KCTD15: variants seen among roughly 807,000 people sequenced by gnomAD.
The protein encoded by KCTD15 is potassium channel tetramerization domain containing 15.
A neutral mutation model predicts 27.2 loss-of-function variants in KCTD15; 11 were observed. The ratio of observed to expected loss-of-function variants is 0.41; its 90% CI spans 0.25 to 0.67. The LOEUF (loss-of-function observed/expected upper bound fraction) is 0.67. Ranked by LOEUF, KCTD15 falls within the 30% of genes least tolerant of loss-of-function variation. KCTD15 has a pLI of 0.35. For missense variants in KCTD15, 350 were observed against 409.3 expected (o/e 0.86, Z 1.25); for synonymous variants, 163 against 176.0 (o/e 0.93, Z 0.58).
intron 4 of KCTD15, among the ~76,000 whole-genome samples, chr19:33,805,943 C>G (rs1368772269): frequency 6.6e-6 from 1 of 152,230 alleles, no homozygotes; most frequent in Non-Finnish European, 1.5e-5. Context: ...TTCTCCTGGT[C>G]TTGCATTTGT....
At chr19:33,800,613 A>C (rs1019206451) in intron 3 of KCTD15, 93 bp downstream of exon 3, 3 of 1,152,088 alleles carry the variant, frequency 2.6e-6, no homozygotes, top group Non-Finnish European at 3.8e-6. Flanking sequence ...CCTTGGGACC[A>C]TGACACTCCA....
At chr19:33,795,713 G>A (rs965005481), upstream of KCTD15, among the ~76,000 whole-genome samples, 1 of 152,152 alleles carries the variant, frequency 6.6e-6, no homozygotes, top group African/African-American at 2.4e-5. Context: ...GAGTGGGAGT[G>A]GGAGAAAAGG....
chr19:33,800,018 G>A (rs1975474982), intron 2 of KCTD15, among the ~76,000 whole-genome samples: 1 of 152,162 alleles, frequency 6.6e-6, no homozygotes, highest in Admixed American at 6.5e-5. Flanking sequence ...TCTGAGCCTT[G>A]GTCCACAAGG....
intron 6 of KCTD15, 27 bp from the exon 7 acceptor site, chr19:33,812,763 T>G: frequency 7.1e-7 from 1 of 1,414,078 alleles, no homozygotes; most frequent in South Asian, 1.6e-5. Flanking sequence ...AGCTTGGCCT[T>G]GATGACCTCT....
At chr19:33,798,998 G>T (rs1189384537) in intron 2 of KCTD15, among the ~76,000 whole-genome samples, 1 of 152,182 alleles carries the variant, frequency 6.6e-6, no homozygotes, top group Non-Finnish European at 1.5e-5. Context: ...CCCCAGCAGA[G>T]CCTCCTAGGG....
At chr19:33,804,002 C>T (rs550421557) in intron 4 of KCTD15, among the ~76,000 whole-genome samples, 3 of 152,136 alleles carry the variant, frequency 2.0e-5, no homozygotes, top group African/African-American at 7.2e-5. Context: ...CTTCGGAAGC[C>T]GGCCCCTCAA....
intron 6 of KCTD15, 194 bp from the exon 7 acceptor site, chr19:33,812,596 G>T (rs1419673315): frequency 7.7e-7 from 1 of 1,290,920 alleles, no homozygotes; most frequent in African/African-American, 1.5e-5. Context: ...CACTGGGCCT[G>T]GCCACTTCTG....
Position 33,812,845 on chromosome 19 carries a change from G to T in KCTD15, c.749G>T (p.Gly250Val). 6 of 1,537,834 alleles carry T rather than the reference G, an allele frequency of 3.9e-6. No individual in the cohort carries two copies. Among genetic ancestry groups the T allele is most frequent in the Non-Finnish European group, 5.3e-6 (6 of 1,140,044 alleles). ...AGCGTGGCTGCGTCCTGTGGGGGCG[G>T]TGTGGACTCCTCCCAGTTCAGCGAG... ...GFSVAASCGG[G>V]VDSSQFSEYV... Residue 250 changes from glycine (G) to valine (V), a missense_variant, in exon 7 of 7, where the codon GGT becomes GTT. Gly to Val is a moderately radical substitution (Grantham distance 109). This residue lies in a region of KCTD15 where 219 missense variants were observed against 234.9 expected (regional missense o/e 0.93). Transcript: ENST00000683859.
At chr19:33,800,123 G>A (rs1391351395) in intron 2 of KCTD15, among the ~76,000 whole-genome samples, 1 of 152,208 alleles carries the variant, frequency 6.6e-6, no homozygotes, top group Non-Finnish European at 1.5e-5. Flanking sequence ...CAATAATGGT[G>A]AGCATATGTT....
At chr19:33,808,645 G>T (rs1218162216) in intron 5 of KCTD15, among the ~76,000 whole-genome samples, 1 of 151,784 alleles carries the variant, frequency 6.6e-6, no homozygotes, top group Non-Finnish European at 1.5e-5. Flanking sequence ...AGGGGTGTGT[G>T]CAGGGGAAGG....
rs1362349733 is a variant in KCTD15 at position 33,811,265 on chromosome 19, G to C, written c.406G>C (p.Glu136Gln). Residue 136 changes from glutamate to glutamine, a missense_variant, in exon 6 of 7, where the codon GAG (glutamate) becomes CAG (glutamine). By Grantham distance (29) the Glu-to-Gln change is conservative. Around this residue, in one of 3 missense-constraint regions of KCTD15, gnomAD observed 219 missense variants for 234.9 expected, o/e 0.93. Coordinates refer to ENST00000683859, the MANE Select transcript of KCTD15 (RefSeq NM_001129994.2). ...DDFKDFSLLY[E>Q]EARYYQLQPM... Reference sequence around the variant, plus strand: ...TCCCCAGGACTTCAGTCTGCTGTACGAGGAGGCGCGCTACTATCAGCTCCA... The same window carrying C: ...TCCCCAGGACTTCAGTCTGCTGTACCAGGAGGCGCGCTACTATCAGCTCCA... 3 of 1,523,144 alleles carry C rather than the reference G, an allele frequency of 2.0e-6. No individual in the cohort carries two copies. The highest frequency in any genetic ancestry group is 2.6e-6 in the Non-Finnish European group (3 of 1,134,540). 94.4% of individuals were successfully genotyped at this position (1,523,144 alleles called of 1,614,324 possible). A position where few individuals can be genotyped will look rare whatever the true frequency, so the allele number is the denominator to read the frequency against.
chr19:33,801,783 A>C, intron 4 of KCTD15: 1 of 154,538 alleles, frequency 6.5e-6, no homozygotes, highest in Non-Finnish European at 1.4e-5. Flanking sequence ...CCTATTTTCT[A>C]TTCCACCCCT....
chr19:33,797,248 G>A (rs1406339453), intron 1 of KCTD15, among the ~76,000 whole-genome samples: 1 of 33,994 alleles, frequency 2.9e-5, no homozygotes, highest in Non-Finnish European at 7.0e-5. Context: ...CTGCCGCGCG[G>A]TGTGTGTGTG....
intron 4 of KCTD15, among the ~76,000 whole-genome samples, chr19:33,803,645 C>T (rs536064532): frequency 2.0e-5 from 3 of 152,172 alleles, no homozygotes; most frequent in South Asian, 2.1e-4. Flanking sequence ...GACAGCCAAG[C>T]ACAGCCGGGG....
chr19:33,808,953 A>G (rs2145482621), intron 5 of KCTD15, among the ~76,000 whole-genome samples: 1 of 152,110 alleles, frequency 6.6e-6, no homozygotes, highest in East Asian at 1.9e-4. Context: ...TGGACAACAT[A>G]GCAAGATGCT....
At chr19:33,808,918 T>C (rs548940484) in intron 5 of KCTD15, among the ~76,000 whole-genome samples, 1 of 152,248 alleles carries the variant, frequency 6.6e-6, no homozygotes, top group South Asian at 2.1e-4. Context: ...GAGGATCCTT[T>C]GAGGCCTGGA....
intron 5 of KCTD15, 142 bp downstream of exon 5, chr19:33,807,149 T>C: frequency 9.8e-7 from 1 of 1,024,090 alleles, no homozygotes; most frequent in Non-Finnish European, 1.4e-6. Context: ...AATCAGTTTT[T>C]CTAAACTAAT....
At chr19:33,803,217 G>C (rs774204766) in intron 4 of KCTD15, among the ~76,000 whole-genome samples, 106 of 152,324 alleles carry the variant, frequency 7.0e-4, no homozygotes, top group Non-Finnish European at 1.2e-3. Flanking sequence ...CTAGAGGCCA[G>C]GGATGGCTGA....
At chr19:33,794,043 A>T (rs761782998), upstream of KCTD15, among the ~76,000 whole-genome samples, 4 of 152,204 alleles carry the variant, frequency 2.6e-5, no homozygotes, top group Non-Finnish European at 5.9e-5. Flanking sequence ...GTTTCCACTA[A>T]ATTGTACATT....
Sources: allele counts gnomAD v4.1 joint callset (sites outside exome capture counted in the v4.1 genomes callset), GRCh38; gene constraint gnomAD v4.1.1; regional missense constraint gnomAD v4.1.1; transcripts MANE v1.5; gene names NCBI Gene and HGNC (gene_info 2026-07-23, HGNC 2026-07-21).